The following GRIK4 variants were observed in gnomAD, a reference collection of about 807,000 sequenced individuals.
The protein encoded by GRIK4 is glutamate ionotropic receptor kainate type subunit 4, also known as glutamate receptor ionotropic, kainate 4.
A neutral mutation model predicts 104.9 loss-of-function variants in GRIK4; 40 were observed. The ratio of observed to expected loss-of-function variants is 0.38; its 90% CI spans 0.30 to 0.50. The LOEUF (loss-of-function observed/expected upper bound fraction) is 0.50, where lower values mean the gene tolerates loss of function less well. Ranked by LOEUF, GRIK4 falls within the 20% of genes least tolerant of loss-of-function variation. The probability of loss-of-function intolerance (pLI) is 0.93; values close to 1 mark genes in which losing one functional copy is unlikely to be tolerated. For missense variants in GRIK4, 1,047 were observed against 1,308.1 expected (o/e 0.80, Z 3.08); for synonymous variants, 485 against 524.9 (o/e 0.92, Z 1.04).
At chr11:120,590,551 A>G (rs1443521314) in intron 1 of GRIK4, among the ~76,000 whole-genome samples, 3 of 152,228 alleles carry the variant, frequency 2.0e-5, no homozygotes, top group Admixed American at 2.0e-4. Context: ...GGCTGAGCAC[A>G]GTGCCTGGAA....
chr11:120,719,999 A>G (rs960720598), intron 3 of GRIK4, among the ~76,000 whole-genome samples: 7 of 152,204 alleles, frequency 4.6e-5, no homozygotes, highest in Admixed American at 4.6e-4. Flanking sequence ...AGATTAAAAA[A>G]AAAAAAAAGA....
At chr11:120,788,778 G>A (rs1484745521) in intron 3 of GRIK4, among the ~76,000 whole-genome samples, 2 of 151,836 alleles carry the variant, frequency 1.3e-5, no homozygotes, top group Non-Finnish European at 2.9e-5. Context: ...CTTGGAGGTT[G>A]TGCTTCCCCC....
chr11:120,786,245 G>C (rs1366177809), intron 3 of GRIK4, among the ~76,000 whole-genome samples: 1 of 152,152 alleles, frequency 6.6e-6, no homozygotes, highest in Non-Finnish European at 1.5e-5. Flanking sequence ...CTGCATTCTT[G>C]AGTCATGGCA....
intron 13 of GRIK4, among the ~76,000 whole-genome samples, chr11:120,910,150 C>T (rs1942959676): frequency 6.6e-6 from 1 of 152,182 alleles, no homozygotes; most frequent in Non-Finnish European, 1.5e-5. Flanking sequence ...ACTTTCTTCC[C>T]AGCCTTCAGA....
At chr11:120,984,639 G>T (rs11607159) in intron 20 of GRIK4, among the ~76,000 whole-genome samples, 2 of 151,374 alleles carry the variant, frequency 1.3e-5, no homozygotes, top group African/African-American at 2.4e-5. Context: ...GTGATGGCAC[G>T]TGCCTGTAAT....
At chr11:120,646,769 G>A (rs185696846) in intron 1 of GRIK4, among the ~76,000 whole-genome samples, 3 of 152,160 alleles carry the variant, frequency 2.0e-5, no homozygotes, top group East Asian at 1.9e-4. Context: ...GGTAGGGCGC[G>A]TTGGAAGAAG....
chr11:120,565,317 C>G (rs965970740), intron 1 of GRIK4, among the ~76,000 whole-genome samples: 3 of 152,246 alleles, frequency 2.0e-5, no homozygotes, highest in Non-Finnish European at 2.9e-5. Context: ...TGCAAAGATA[C>G]TGACAGCCTC....
intron 13 of GRIK4, among the ~76,000 whole-genome samples, chr11:120,918,026 A>G (rs1351820259): frequency 6.6e-6 from 1 of 152,190 alleles, no homozygotes; most frequent in Non-Finnish European, 1.5e-5. Flanking sequence ...TGTGATCTTA[A>G]TGTCTTCTAA....
chr11:120,965,208 A>G (rs1315926838), intron 18 of GRIK4, among the ~76,000 whole-genome samples: 1 of 152,246 alleles, frequency 6.6e-6, no homozygotes, highest in African/African-American at 2.4e-5. Flanking sequence ...TGGCTTAGGA[A>G]CTAAGTAGGT....
chr11:120,767,502 G>T (rs1176516854), intron 3 of GRIK4, among the ~76,000 whole-genome samples: 1 of 152,164 alleles, frequency 6.6e-6, no homozygotes, highest in Middle Eastern at 3.4e-3. Context: ...TCTGTAGGTT[G>T]CCTTTTCATT....
chr11:120,560,641 C>T (rs1157824480), intron 1 of GRIK4, among the ~76,000 whole-genome samples: 4 of 152,212 alleles, frequency 2.6e-5, no homozygotes, highest in African/African-American at 9.7e-5. Flanking sequence ...CTAATTTCAG[C>T]TCCTCCATTC....
rs1944743228 is a variant in GRIK4, at chr11:120,986,099, A to G, written c.2710A>G (p.Arg904Gly). ...GAGEPDQLAQ[R>G]LAQEAALVAR... ...AGGGGAGCCCGACCAGCTCGCGCAG[A>G]GACTGGCGCAGGAGGCCGCCCTGGT... Residue 904 changes from arginine (R) to glycine (G), a missense_variant, in exon 21 of 21, where the codon AGA (arginine) becomes GGA (glycine). Transcript: ENST00000527524. The G allele has an allele frequency of 1.3e-6, 2 of 1,511,952 alleles. No individual in the cohort carries two copies. Among genetic ancestry groups the G allele is most frequent in the Non-Finnish European group, 1.8e-6 (2 of 1,137,262 alleles). 93.7% of individuals were successfully genotyped at this position (1,511,952 alleles called of 1,614,324 possible).
intron 6 of GRIK4, among the ~76,000 whole-genome samples, 162 bp downstream of exon 6, chr11:120,820,082 CGTGTGTGTGT>C (rs35140379): frequency 6.2e-5 from 9 of 144,734 alleles, no homozygotes; most frequent in South Asian, 2.3e-4. Context: ...CTCATGTGTC[CGTGTGTGTGT>C]GTGTGTGTGT....
chr11:120,795,218 C>T (rs1952486864), intron 3 of GRIK4, among the ~76,000 whole-genome samples: 1 of 152,200 alleles, frequency 6.6e-6, no homozygotes, highest in African/African-American at 2.4e-5. Flanking sequence ...AAATCTTCAG[C>T]AGCGAGGCTC....
chr11:120,897,401 G>A (rs1220014964), intron 11 of GRIK4, among the ~76,000 whole-genome samples: 11 of 151,124 alleles, frequency 7.3e-5, no homozygotes, highest in African/African-American at 2.4e-4. Context: ...TTGGGAGGCC[G>A]AGGTGGGTGG....
chr11:120,831,556 G>A (rs1953428324), intron 6 of GRIK4, among the ~76,000 whole-genome samples: 1 of 152,158 alleles, frequency 6.6e-6, no homozygotes, highest in African/African-American at 2.4e-5. Flanking sequence ...GGGAGGAGGG[G>A]GGATTCTCTT....
chr11:120,693,394 G>A (rs1046657296), intron 3 of GRIK4, among the ~76,000 whole-genome samples: 2 of 152,304 alleles, frequency 1.3e-5, no homozygotes, highest in Non-Finnish European at 1.5e-5. Flanking sequence ...CATGACCACC[G>A]TGCCAGGCTG....
intron 6 of GRIK4, among the ~76,000 whole-genome samples, chr11:120,825,407 C>T (rs1256940264): frequency 6.6e-6 from 1 of 152,210 alleles, no homozygotes; most frequent in African/African-American, 2.4e-5. Flanking sequence ...CAGATGACAC[C>T]TGGAGAGTGA....
chr11:120,943,708 G>C (rs1051778109), intron 14 of GRIK4, among the ~76,000 whole-genome samples: 18 of 152,198 alleles, frequency 1.2e-4, no homozygotes, highest in Non-Finnish European at 2.6e-4. Context: ...GTCTATGTTA[G>C]TTCTATGTTT....
Sources: allele counts gnomAD v4.1 joint callset (sites outside exome capture counted in the v4.1 genomes callset), GRCh38; gene constraint gnomAD v4.1.1; transcripts MANE v1.5; gene names NCBI Gene and HGNC (gene_info 2026-07-23, HGNC 2026-07-21).